COL4A5: variants seen among roughly 807,000 people sequenced by gnomAD.
The protein encoded by COL4A5 is collagen alpha-5(IV) chain.
COL4A5 carries 26 observed loss-of-function variants against 130.2 expected under a neutral mutation model. The ratio of observed to expected loss-of-function variants is 0.20; its 90% CI spans 0.15 to 0.28. The LOEUF (loss-of-function observed/expected upper bound fraction) is 0.28, where lower values mean the gene tolerates loss of function less well. Among genes scored for constraint, COL4A5 ranks in the 10% least tolerant of loss-of-function variants. The pLI, the probability that COL4A5 is intolerant of heterozygous loss-of-function variation, is 1.00. For synonymous variants in COL4A5, 496 were observed against 439.6 expected, an observed-to-expected ratio of 1.13 and a Z score of -1.60; for missense variants, 1,131 against 1,344.3, an observed-to-expected ratio of 0.84 and a Z score of 2.48.
At chrX:108,599,094 G>A (rs998303695) in intron 25 of COL4A5, among the ~76,000 whole-genome samples, 4 of 110,978 alleles carry the variant, frequency 3.6e-5, no homozygotes, top group African/African-American at 1.3e-4. Flanking sequence ...CTCTTTTTAA[G>A]TACATGATAC....
Position 108,697,086 on chromosome X carries a change from A to T in COL4A5, c.*708A>T, listed in dbSNP as rs1401901693. The T allele has an allele frequency of 9.0e-6, 1 of 111,588 alleles. No homozygotes were observed. The highest frequency in any genetic ancestry group is 1.9e-5 in the Non-Finnish European group (1 of 53,069). 9.2% of individuals were successfully genotyped at this position (111,588 alleles called of 1,213,427 possible). A position where few individuals can be genotyped will look rare whatever the true frequency, so the allele number is the denominator to read the frequency against. Reference sequence around the variant, plus strand: ...TTTTAAAAAACAAACCCTTTTAGTCACTTTAATCAGAATTTTAAATGTTCA... The same window carrying T: ...TTTTAAAAAACAAACCCTTTTAGTCTCTTTAATCAGAATTTTAAATGTTCA... On this transcript the variant is annotated 3_prime_UTR_variant, in exon 53 of 53. Transcript: ENST00000328300.
At chrX:108,659,177 T>A (rs1305163115) in intron 37 of COL4A5, among the ~76,000 whole-genome samples, 1 of 111,622 alleles carries the variant, frequency 9.0e-6, no homozygotes, top group Non-Finnish European at 1.9e-5. Flanking sequence ...AGAATTGTGT[T>A]GCTCAACTTA....
chrX:108,583,377 GT>G (rs1465295920), intron 17 of COL4A5, among the ~76,000 whole-genome samples: 4 of 111,602 alleles, frequency 3.6e-5, no homozygotes, highest in East Asian at 2.8e-4. Context: ...ATTCTTTGTT[GT>G]TTTTTCCCCC....
chrX:108,525,841 T>C (rs2065306293), intron 1 of COL4A5, among the ~76,000 whole-genome samples: 2 of 111,447 alleles, frequency 1.8e-5, no homozygotes, highest in African/African-American at 3.3e-5. Flanking sequence ...CCTGCTTTAT[T>C]AGCAGGGCAC....
At chrX:108,636,240 C>T (rs1470970518) in intron 36 of COL4A5, among the ~76,000 whole-genome samples, 2 of 111,590 alleles carry the variant, frequency 1.8e-5, no homozygotes, top group African/African-American at 6.5e-5. Flanking sequence ...GGATTACTGA[C>T]CTAAATATAA....
chrX:108,633,842 GA>G (rs959333645), intron 36 of COL4A5, among the ~76,000 whole-genome samples: 3 of 111,565 alleles, frequency 2.7e-5, no homozygotes, highest in African/African-American at 9.7e-5. Context: ...GTGACATGTT[GA>G]AAAAATAAAA....
At chrX:108,564,327 TACCATGTATAAACA>T (rs2065939815) in intron 4 of COL4A5, among the ~76,000 whole-genome samples, 3 of 111,690 alleles carry the variant, frequency 2.7e-5, no homozygotes, top group Non-Finnish European at 5.7e-5. Context: ...CCTCCTAGTG[TACCATGTATAAACA>T]TTATCATTTT....
intron 16 of COL4A5, among the ~76,000 whole-genome samples, chrX:108,581,516 G>A (rs962342813): frequency 9.0e-6 from 1 of 111,295 alleles, no homozygotes; most frequent in Admixed American, 9.6e-5. Flanking sequence ...ACCTTCAAAA[G>A]TTCCCTCATG....
chrX:108,487,689 C>T (rs754343145), intron 1 of COL4A5, among the ~76,000 whole-genome samples: 5 of 111,930 alleles, frequency 4.5e-5, no homozygotes, highest in African/African-American at 9.7e-5. Flanking sequence ...ATAATTCCAC[C>T]GCCCATGTGT....
chrX:108,544,001 A>G (rs2065597106), intron 2 of COL4A5, among the ~76,000 whole-genome samples: 1 of 111,863 alleles, frequency 8.9e-6, no homozygotes, highest in Non-Finnish European at 1.9e-5. Flanking sequence ...GCTTAAGGAG[A>G]TTTTAGGCTG....
intron 1 of COL4A5, among the ~76,000 whole-genome samples, chrX:108,457,003 C>T (rs953815286): frequency 1.8e-5 from 2 of 111,481 alleles, no homozygotes; most frequent in African/African-American, 6.5e-5. Flanking sequence ...TGTGTTTTCT[C>T]ACTGACAAGG....
intron 1 of COL4A5, among the ~76,000 whole-genome samples, chrX:108,522,880 CTT>C (rs746440433): frequency 4.0e-4 from 38 of 95,083 alleles, no homozygotes; most frequent in African/African-American, 1.1e-3. Flanking sequence ...AAAAAAATTA[CTT>C]TTTTTTTTTT....
intron 1 of COL4A5, among the ~76,000 whole-genome samples, chrX:108,503,704 A>G (rs2065100634): frequency 8.9e-6 from 1 of 112,006 alleles, no homozygotes. Flanking sequence ...TTAACCAAAG[A>G]GGTGAAAGAT....
At chrX:108,540,652 T>C (rs2065523737) in intron 2 of COL4A5, among the ~76,000 whole-genome samples, 1 of 111,216 alleles carries the variant, frequency 9.0e-6, no homozygotes, top group Non-Finnish European at 1.9e-5. Context: ...GGTTTCGCCT[T>C]GTTGGCTAGG....
intron 1 of COL4A5, among the ~76,000 whole-genome samples, chrX:108,443,646 A>G (rs765853883): frequency 5.4e-5 from 6 of 111,427 alleles, no homozygotes; most frequent in African/African-American, 2.0e-4. Context: ...GTATTTTTTC[A>G]TGTGTTTTTA....
chrX:108,655,914 A>T (rs2067831737), intron 37 of COL4A5, among the ~76,000 whole-genome samples: 1 of 112,520 alleles, frequency 8.9e-6, no homozygotes, highest in South Asian at 3.7e-4. Flanking sequence ...CACTATAGTC[A>T]ATTATGTAGC....
intron 36 of COL4A5, chrX:108,627,734 CCCAAAT>C: frequency 5.0e-6 from 1 of 201,773 alleles, no homozygotes; most frequent in Non-Finnish European, 7.4e-6. Context: ...GTTTGCAAAC[CCCAAAT>C]CCCCAGTTCT....
chrX:108,535,473 T>C (rs984224304), intron 1 of COL4A5, among the ~76,000 whole-genome samples: 6 of 111,463 alleles, frequency 5.4e-5, no homozygotes, highest in African/African-American at 2.0e-4. Context: ...AGTCAGTATG[T>C]ATTTTTGCCC....
intron 1 of COL4A5, chrX:108,463,121 G>A (rs987085058): frequency 2.7e-5 from 3 of 111,585 alleles, no homozygotes; most frequent in South Asian, 3.8e-4. Context: ...AAATTGACAC[G>A]GAGTTGCTTT....
Sources: gnomAD v4.1 joint callset for allele counts (sites outside exome capture counted in the v4.1 genomes callset) on GRCh38, gnomAD v4.1.1 for gene constraint, MANE v1.5 for transcripts, NCBI Gene and HGNC (gene_info 2026-07-23, HGNC 2026-07-21) for gene names.